The following HSP90AB1 variants were observed in gnomAD, a reference collection of about 807,000 sequenced individuals.
HSP90AB1 encodes heat shock protein 90 alpha family class B member 1.
In HSP90AB1, 17 loss-of-function variants were observed where a neutral mutation model predicts 67.8. That is an observed-to-expected ratio of 0.25 (90% confidence interval 0.17 to 0.38). The LOEUF (loss-of-function observed/expected upper bound fraction) is 0.38, where lower values mean the gene tolerates loss of function less well. Ranked by LOEUF, HSP90AB1 falls within the 10% of genes least tolerant of loss-of-function variation. The pLI, the probability that HSP90AB1 is intolerant of heterozygous loss-of-function variation, is 1.00. For synonymous variants in HSP90AB1, 390 were observed against 312.9 expected (o/e 1.25, Z -2.60); for missense variants, 690 against 899.9 (o/e 0.77, Z 2.98).
Position 44,253,666 on chromosome 6 carries a change from C to T in HSP90AB1, c.*68C>T, listed in dbSNP as rs1475001823. ...TCCCCATGGGCTCCCACTGCAGCCT[C>T]GAGTGCCCCTGTCCCACCTGGCTCC... is the stretch of plus-strand genomic sequence containing the variant. On this transcript the variant is annotated 3_prime_UTR_variant, in exon 12 of 12. Transcript: ENST00000371646. 54 of 1,183,360 alleles carry T rather than the reference C, an allele frequency of 4.6e-5. No individual in the cohort carries two copies. Among genetic ancestry groups the T allele is most frequent in the East Asian group, 7.0e-5 (3 of 42,984 alleles). 73.3% of individuals were successfully genotyped at this position (1,183,360 alleles called of 1,614,324 possible). A position where few individuals can be genotyped will look rare whatever the true frequency, so the allele number is the denominator to read the frequency against.
chr6:44,253,002 C>T lies in HSP90AB1; in HGVS notation c.1732-43C>T, dbSNP rs750103191. On this transcript the variant is annotated intron_variant, in intron 10 of 11. Transcript: ENST00000371646. ...GCTTGACAATGCCTGTTTTCTCTTT[C>T]AAAGTGGTAATGTCAATCTAAGGCT... 3.9e-6 allele frequency: 6 copies of T among 1,522,310 alleles called. No homozygotes were observed. In the East Asian group the frequency reaches 1.1e-4, roughly 29 times the overall value. The allele number at this position is 1,522,310 out of a possible 1,614,324, so 94.3% of individuals were successfully genotyped here. A position where few individuals can be genotyped will look rare whatever the true frequency, so the allele number is the denominator to read the frequency against.
At chr6:44,248,864 G>A (rs1168697606) in intron 2 of HSP90AB1, 88 bp downstream of exon 2, 1 of 1,211,286 alleles carries the variant, frequency 8.3e-7, no homozygotes, top group Non-Finnish European at 1.2e-6. Context: ...CTTTGTTGGG[G>A]ACTACTATTG....
Position 44,252,879 on chromosome 6 carries a change from ACACCCGGTTAATTTT to A in HSP90AB1, c.1732-165_1732-151del, listed in dbSNP as rs562893005. On this transcript the variant is annotated intron_variant, in intron 10 of 11. Transcript: ENST00000371646. ...GCTGGGATTACAGATGTGTGCTACC[ACACCCGGTTAATTTT>A]TTGTAGACAGGGTTTTGCCATGTTG... Among the ~76,000 whole-genome samples the A allele has an allele frequency of 1.1e-4, 17 of 151,056 alleles. No individual in the cohort carries two copies. The South Asian group carries it at 3.1e-3, about 28-fold the overall frequency.
rs1780666133 is a variant in HSP90AB1, at chr6:44,251,743, A to G, written c.1321A>G (p.Ile441Val). The G allele has an allele frequency of 1.9e-6, 3 of 1,613,130 alleles. No homozygotes were observed. The highest frequency in any genetic ancestry group is 2.2e-5 in the South Asian group (2 of 90,860). ...CCTCTTCCCACCCTTCAAGCTTGGA[A>G]TCCACGAAGACTCCACTAACCGCCG... ...EAFSKNLKLG[I>V]HEDSTNRRRL... The change falls in exon 9 of 12, where the codon ATC becomes GTC. Residue 441 changes from isoleucine (I) to valine (V), a missense_variant. Around this residue, in one of 7 missense-constraint regions of HSP90AB1, gnomAD observed 206 missense variants for 221.4 expected, o/e 0.93. Transcript: ENST00000371646.
At chr6:44,250,697 A>C (rs907400378) in intron 6 of HSP90AB1, 98 bp downstream of exon 6, 7 of 713,918 alleles carry the variant, frequency 9.8e-6, no homozygotes, top group Middle Eastern at 4.9e-4. Context: ...AACTTGTCCA[A>C]CTGATAACAG....
intron 2 of HSP90AB1, 86 bp from the exon 3 acceptor site, chr6:44,249,291 A>C: frequency 1.8e-6 from 2 of 1,108,140 alleles, no homozygotes; most frequent in Non-Finnish European, 2.7e-6. Context: ...GTGAGCTGTC[A>C]TCCTTGCCAC....
upstream of HSP90AB1, among the ~76,000 whole-genome samples, chr6:44,246,573 G>T (rs530152165): frequency 2.0e-5 from 3 of 152,186 alleles, no homozygotes; most frequent in African/African-American, 7.2e-5. Flanking sequence ...CGAACCCTCC[G>T]CCCTTCCTCT....
At chr6:44,250,778 C>T (rs1240303739) in intron 6 of HSP90AB1, among the ~76,000 whole-genome samples, 179 bp downstream of exon 6, 1 of 152,162 alleles carries the variant, frequency 6.6e-6, no homozygotes, top group African/African-American at 2.4e-5. Context: ...TTCTAATGAC[C>T]TCACTTTCTC....
At position 44,253,727 on chromosome 6, in the gene HSP90AB1, T is replaced by C; in HGVS notation, c.*129T>C. 2 of 796,550 alleles carry C rather than the reference T, an allele frequency of 2.5e-6. No individual in the cohort carries two copies. Among genetic ancestry groups the C allele is most frequent in the Non-Finnish European group, 4.6e-6 (2 of 433,348 alleles). 49.3% of individuals were successfully genotyped at this position (796,550 alleles called of 1,614,324 possible). On this transcript the variant is annotated 3_prime_UTR_variant, in exon 12 of 12. Transcript: ENST00000371646. ...GTCTAGTGTTTTTTTCCCTCTCCTG[T>C]CCTTGTGTTGAAGGCAGTAAACTAA...
At chr6:44,252,713 G>A (rs951932765) in intron 10 of HSP90AB1, among the ~76,000 whole-genome samples, 5 of 151,884 alleles carry the variant, frequency 3.3e-5, no homozygotes, top group Admixed American at 2.6e-4. Flanking sequence ...AGCCAGGATG[G>A]TCTCCATCTC....
chr6:44,251,693 A>G (rs1275830332), intron 8 of HSP90AB1, 44 bp from the exon 9 acceptor site: 3 of 1,600,396 alleles, frequency 1.9e-6, no homozygotes, highest in Non-Finnish European at 2.6e-6. Flanking sequence ...AAGTGAAGTT[A>G]TTGTAGTTAA....
intron 2 of HSP90AB1, 34 bp downstream of exon 2, chr6:44,248,810 T>G: frequency 6.3e-7 from 1 of 1,583,662 alleles, no homozygotes; most frequent in Non-Finnish European, 8.6e-7. Flanking sequence ...TGGCATGGTT[T>G]TTTTTTTTGA....
In HSP90AB1 at chr6:44,248,239, AACTGTAGGT is replaced by A. The variant is rs368997482; in HGVS notation, c.1-389_1-381del. Among the ~76,000 whole-genome samples, 1,159 of 151,922 alleles carry A rather than the reference AACTGTAGGT, an allele frequency of 7.6e-3. 14 individuals are homozygous for A. The highest frequency in any genetic ancestry group is 0.026 in the African/African-American group (1,086 of 41,188). On this transcript the variant is annotated intron_variant, in intron 1 of 11. Transcript: ENST00000371646. Reference sequence around the variant, plus strand: ...TCACTTTGATCTCCCCCAAATAAAGAACTGTAGGTAGTGATTTTCACATTTAAATTTGTG... The same window carrying A: ...TCACTTTGATCTCCCCCAAATAAAGAAGTGATTTTCACATTTAAATTTGTG...
In HSP90AB1 at chr6:44,250,611, C is replaced by T. The variant is rs1352343463; in HGVS notation, c.957+12C>T. On this transcript the variant is annotated intron_variant, in intron 6 of 11. Transcript: ENST00000371646. The stretch of plus-strand genomic sequence containing the variant: ...ACTTGGCAGTCAAGGTGTGAGAAGC[C>T]TTTGCATGTTGGCTCAACATGCACA... 1.3e-6 allele frequency: 2 copies of T among 1,482,586 alleles called. No homozygotes were observed. Among genetic ancestry groups the T allele is most frequent in the Non-Finnish European group, 1.9e-6 (2 of 1,065,224 alleles). 91.8% of individuals were successfully genotyped at this position (1,482,586 alleles called of 1,614,324 possible).
intron 7 of HSP90AB1, 30 bp from the exon 8 acceptor site, chr6:44,251,388 A>G: frequency 6.3e-7 from 1 of 1,589,134 alleles, no homozygotes; most frequent in Non-Finnish European, 8.6e-7. Context: ...GCTGTTTTTT[A>G]CTGAGCTTTC....
intron 2 of HSP90AB1, 43 bp from the exon 3 acceptor site, chr6:44,249,334 T>A (rs1268770208): frequency 1.3e-6 from 2 of 1,506,430 alleles, no homozygotes; most frequent in African/African-American, 2.7e-5. Context: ...AGCAAGAGTC[T>A]GTCTTGGAAA....
At chr6:44,252,423 T>G (rs1290928148) in intron 10 of HSP90AB1, among the ~76,000 whole-genome samples, 156 bp downstream of exon 10, 1 of 152,236 alleles carries the variant, frequency 6.6e-6, no homozygotes, top group Non-Finnish European at 1.5e-5. Context: ...TTAAGGCTAT[T>G]TTAATAAAAT....
At chr6:44,247,643 C>T (rs371496510) in intron 1 of HSP90AB1, among the ~76,000 whole-genome samples, 2 of 152,202 alleles carry the variant, frequency 1.3e-5, no homozygotes, top group East Asian at 1.9e-4. Context: ...TTGTTAAAGC[C>T]TTCTTGGGTG....
At chr6:44,248,604 T>C in intron 1 of HSP90AB1, 26 bp from the exon 2 acceptor site, 1 of 1,598,428 alleles carries the variant, frequency 6.3e-7, no homozygotes, top group Non-Finnish European at 8.5e-7. Context: ...AGTGTTCTTT[T>C]GTAATTAATG....
Sources: gnomAD v4.1 joint callset for allele counts (sites outside exome capture counted in the v4.1 genomes callset) on GRCh38, gnomAD v4.1.1 for gene constraint, gnomAD v4.1.1 regional missense constraint, MANE v1.5 for transcripts, NCBI Gene and HGNC (gene_info 2026-07-23, HGNC 2026-07-21) for gene names.